Variants in NADK observed in about 807,000 individuals in gnomAD.
NADK encodes NAD kinase, also known as poly(P)/ATP NAD kinase.
In NADK, 22 loss-of-function variants were observed where a neutral mutation model predicts 49.8. The ratio of observed to expected loss-of-function variants is 0.44; its 90% confidence interval spans 0.32 to 0.63. NADK has a LOEUF of 0.63. NADK is among the 30% of genes least tolerant of loss of function. The probability of loss-of-function intolerance (pLI) is 0.06; values close to 1 mark genes in which losing one functional copy is unlikely to be tolerated. For synonymous variants in NADK, 268 were observed against 253.7 expected, an observed-to-expected ratio of 1.06 and a Z score of -0.54; for missense variants, 438 against 609.4, an observed-to-expected ratio of 0.72 and a Z score of 2.96.
Position 1,755,460 on chromosome 1 carries a change from AC to A in NADK, c.601del (p.Val201SerfsTer12). 6.2e-7 allele frequency: 1 copy of A among 1,613,794 alleles called. No individual in the cohort carries two copies. Among genetic ancestry groups the A allele is most frequent in the Non-Finnish European group, 8.5e-7 (1 of 1,179,940 alleles). On this transcript the variant is annotated frameshift_variant, in exon 7 of 12. Coordinates refer to ENST00000341426, the MANE Select transcript of NADK (RefSeq NM_023018.5). LOFTEE classifies it high-confidence loss of function. ...CAGGGAGCCCAGGTGGAAGGCCATG[AC>A]CGGAGGGACGCTGCCCTGTGAGCCG... ...SSLFQGSVPP[V>X]MAFHLGSLGF...
chr1:1,767,656 GA>G (rs1312213697), intron 1 of NADK, among the ~76,000 whole-genome samples: 1 of 152,186 alleles, frequency 6.6e-6, no homozygotes, highest in Non-Finnish European at 1.5e-5. Context: ...ATTATGGACT[GA>G]ATGTGTCCTC....
intron 11 of NADK, 102 bp downstream of exon 11, chr1:1,753,465 A>G: frequency 1.1e-6 from 1 of 917,434 alleles, no homozygotes; most frequent in Non-Finnish European, 1.7e-6. Flanking sequence ...GTGGTGCCCT[A>G]GGGGACAAGC....
rs747579926 is a variant in NADK, at chr1:1,757,330, A to C, written c.264-20T>G. On this transcript the variant is annotated intron_variant, in intron 3 of 11. Coordinates refer to ENST00000341426, the MANE Select transcript of NADK (RefSeq NM_023018.5). ...ATGTGCCTTTAGGGGAGGAGAAAAGAGTTCACACCAGCTGCGATCTCCCTC... is the reference window on the plus strand; with the variant it reads ...ATGTGCCTTTAGGGGAGGAGAAAAGCGTTCACACCAGCTGCGATCTCCCTC... The C allele has an allele frequency of 1.3e-6, 2 of 1,594,372 alleles. No homozygotes were observed. Among genetic ancestry groups the C allele is most frequent in the Non-Finnish European group, 1.7e-6 (2 of 1,163,956 alleles).
At position 1,778,273 on chromosome 1, in the gene NADK, G is replaced by A. The variant is rs1646272497; in HGVS notation, c.-41+16C>T. 2 of 151,972 alleles carry A rather than the reference G, an allele frequency of 1.3e-5. No individual in the cohort carries two copies. The highest frequency in any genetic ancestry group is 4.1e-4 in the South Asian group (2 of 4,834). The allele number at this position is 151,972 out of a possible 1,614,324, so 9.4% of individuals were successfully genotyped here. ...GGCGACCCCAGGCGGACGGCAGGCCGGGTCTGCTCACTCACCGTTCGCTGC... is the reference window on the plus strand; with the variant it reads ...GGCGACCCCAGGCGGACGGCAGGCCAGGTCTGCTCACTCACCGTTCGCTGC... On this transcript the variant is annotated intron_variant, in intron 1 of 11. Coordinates refer to ENST00000341426, the MANE Select transcript of NADK (RefSeq NM_023018.5). This position sits in a 1 kb window ranked among gnomAD's most constrained non-coding sequence, Gnocchi z 4.9.
chr1:1,759,312 T>G (rs1570529433), intron 3 of NADK: 2 of 1,456,186 alleles, frequency 1.4e-6, no homozygotes, highest in African/African-American at 1.6e-5. Flanking sequence ...GGGCAGGGGG[T>G]GGCGTGAAGC....
intron 3 of NADK, chr1:1,758,289 C>T: frequency 6.6e-7 from 1 of 1,512,084 alleles, no homozygotes. Flanking sequence ...AACCACAACA[C>T]AGACGCCGAT....
rs1645453790 is a variant in NADK, at chr1:1,754,692, G to C, written c.695C>G (p.Ala232Gly). The C allele has an allele frequency of 6.2e-7, 1 of 1,612,074 alleles. No homozygotes were observed. ...SQVTQVIEGN[A>G]AVVLRSRLKV... is the part of the protein sequence containing the mutation. ...CAGCCGACTCCGGAGAACAACAGCT[G>C]CGTTCCCTGAGGTCCAGCAGGAGTC... Residue 232 changes from alanine to glycine, a missense_variant, in exon 8 of 12, where the codon GCA becomes GGA. Coordinates refer to ENST00000341426, the MANE Select transcript of NADK (RefSeq NM_023018.5). The surrounding 1 kb of genome is among the most constrained non-coding windows in gnomAD (Gnocchi z 4.3).
At chr1:1,771,570 G>A (rs761968289) in intron 1 of NADK, among the ~76,000 whole-genome samples, 123 of 152,118 alleles carry the variant, frequency 8.1e-4, no homozygotes, top group Non-Finnish European at 1.5e-3. Flanking sequence ...AAAGGTAGAC[G>A]CCACAGACCC....
Position 1,756,681 on chromosome 1 carries a change from G to A in NADK, c.394-73C>T, listed in dbSNP as rs567926162. 7.5e-4 allele frequency: 1,199 copies of A among 1,604,792 alleles called. 4 individuals are homozygous for A. Among genetic ancestry groups the A allele is most frequent in the Middle Eastern group, 6.7e-4 (4 of 5,948 alleles). On this transcript the variant is annotated intron_variant, in intron 4 of 11. Coordinates refer to ENST00000341426, the MANE Select transcript of NADK (RefSeq NM_023018.5). ...TCCTGCAGGGAGGTTCCCGACTCAC[G>A]GGCGCTGTGGTCAGAGACCTGGCAT... is the stretch of plus-strand genomic sequence containing the variant.
chr1:1,757,359 C>A (rs764140697), intron 3 of NADK, 49 bp from the exon 4 acceptor site: 15 of 1,477,320 alleles, frequency 1.0e-5, no homozygotes, highest in South Asian at 5.8e-5. Context: ...CTCCCTCTTG[C>A]GGAAAAGGTG....
chr1:1,763,813 G>A (rs1570549265), intron 2 of NADK, among the ~76,000 whole-genome samples: 1 of 152,172 alleles, frequency 6.6e-6, no homozygotes, highest in Admixed American at 6.5e-5. Flanking sequence ...GAAGGCGCCT[G>A]TCACTCACTA....
intron 3 of NADK, among the ~76,000 whole-genome samples, chr1:1,761,032 G>A (rs1326367596): frequency 3.3e-5 from 5 of 152,124 alleles, no homozygotes; most frequent in African/African-American, 1.2e-4. Flanking sequence ...TTGCTCTGTC[G>A]CCCAGGCTGG....
chr1:1,763,054 T>A (rs1645775991), intron 2 of NADK, among the ~76,000 whole-genome samples: 1 of 152,188 alleles, frequency 6.6e-6, no homozygotes. Flanking sequence ...CAAGTCCCAA[T>A]GCAGAAGAAC....
chr1:1,764,547 C>T (rs1334485618), intron 2 of NADK, among the ~76,000 whole-genome samples: 1 of 152,174 alleles, frequency 6.6e-6, no homozygotes, highest in Non-Finnish European at 1.5e-5. Context: ...CCAGCCTTCG[C>T]CTCTCAAAAC....
At chr1:1,759,804 T>C in intron 3 of NADK, 1 of 1,554,572 alleles carries the variant, frequency 6.4e-7, no homozygotes, top group Middle Eastern at 1.7e-4. Flanking sequence ...GTCTGAGGGC[T>C]GAGGCAGAAC....
chr1:1,760,204 G>A (rs756168385), intron 3 of NADK, among the ~76,000 whole-genome samples: 1 of 152,196 alleles, frequency 6.6e-6, no homozygotes, highest in Non-Finnish European at 1.5e-5. Context: ...AGCAAACAGG[G>A]GTCGGGCCCC....
rs1013066441 is a variant in NADK at position 1,762,017 on chromosome 1, A to G, written c.198T>C (p.His66=). The stretch of plus-strand genomic sequence containing the variant: ...CAAAAGTGGTCACCGGGCATGGCCC[A>G]TGAAGAGAGCGTGTCCTCCTGTGGG... ...TKEFRRTRSL[H]GPCPVTTFGP... The change falls in exon 3 of 12, where the codon CAT becomes CAC. Residue 66 remains histidine (H), a synonymous_variant. Transcript: ENST00000341426. The G allele has an allele frequency of 6.2e-7, 1 of 1,614,078 alleles. No homozygotes were observed. Among genetic ancestry groups the G allele is most frequent in the Non-Finnish European group, 8.5e-7 (1 of 1,180,002 alleles).
chr1:1,775,141 G>T (rs920749970), intron 1 of NADK, among the ~76,000 whole-genome samples: 1 of 151,910 alleles, frequency 6.6e-6, no homozygotes, highest in African/African-American at 2.4e-5. Flanking sequence ...GTATTAGGAA[G>T]TTTTATTAGA....
At chr1:1,761,556 C>T (rs1645725650) in intron 3 of NADK, 1 of 184,648 alleles carries the variant, frequency 5.4e-6, no homozygotes, top group Non-Finnish European at 1.2e-5. Context: ...AAACGCAACC[C>T]ACCCCAGAAT....
Sources: allele counts gnomAD v4.1 joint callset (sites outside exome capture counted in the v4.1 genomes callset), GRCh38; gene constraint gnomAD v4.1.1; non-coding constraint Gnocchi (gnomAD v3.1); transcripts MANE v1.5; gene names NCBI Gene and HGNC (gene_info 2026-07-23, HGNC 2026-07-21).